SLF1: variants seen among roughly 807,000 people sequenced by gnomAD.
SLF1 encodes SMC5/6 complex localization factor 1, also known as SMC5-SMC6 complex localization factor protein 1.
In SLF1, 105 loss-of-function variants were observed where a neutral mutation model predicts 123.0. The ratio of observed to expected loss-of-function variants is 0.85; its 90% CI spans 0.73 to 1.00. The LOEUF (loss-of-function observed/expected upper bound fraction) is 1.00, where lower values mean the gene tolerates loss of function less well. SLF1 is among the 50% of genes least tolerant of loss of function. The pLI is 0.00. For synonymous variants in SLF1, 434 were observed against 406.6 expected, an observed-to-expected ratio of 1.07 and a Z score of -0.81; for missense variants, 1,239 against 1,223.0, an observed-to-expected ratio of 1.01 and a Z score of -0.20.
rs563037625 is a variant in SLF1, at chr5:94,626,408, G to T, written c.1-2403G>T. 2.6e-5 allele frequency among the ~76,000 whole-genome samples: 4 copies of T among 152,134 alleles called. No individual in the cohort carries two copies. The South Asian group carries it at 8.3e-4, about 32-fold the overall frequency. On this transcript the variant is annotated intron_variant, in intron 1 of 20. Transcript: ENST00000265140. ...TATGTGCACTTAAAAATTTTATACTGACTAGACCAAATCCCTGTAACTTTT... is the reference window on the plus strand; with the variant it reads ...TATGTGCACTTAAAAATTTTATACTTACTAGACCAAATCCCTGTAACTTTT...
chr5:94,629,009 T>C, intron 2 of SLF1, 83 bp from the exon 3 acceptor site: 11 of 1,406,172 alleles, frequency 7.8e-6, no homozygotes, highest in Non-Finnish European at 1.1e-5. Flanking sequence ...AAATGCCTTC[T>C]TGATATTGTA....
chr5:94,695,249 A>G lies in SLF1; in HGVS notation c.3114A>G (p.Val1038=), dbSNP rs755464102. 1 of 1,612,366 alleles carries G rather than the reference A, an allele frequency of 6.2e-7. No individual in the cohort carries two copies. Among genetic ancestry groups the G allele is most frequent in the Non-Finnish European group, 8.5e-7 (1 of 1,178,782 alleles). The part of the protein sequence containing the change: ...LPENLKVCPG[V]HTEALMITLE... ...AGAATTTGAAAGTGTGTCCTGGGGT[A>G]CACACTGAGGCCTTGATGATAACAT... The change falls in exon 21 of 21, where the codon GTA becomes GTG. Residue 1038 remains valine (V), a synonymous_variant. Coordinates refer to ENST00000265140, the MANE Select transcript of SLF1 (RefSeq NM_032290.4).
chr5:94,631,765 G>A (rs763396650), intron 4 of SLF1, among the ~76,000 whole-genome samples: 3 of 152,004 alleles, frequency 2.0e-5, no homozygotes, highest in Non-Finnish European at 4.4e-5. Flanking sequence ...GAAATATCTC[G>A]GAATGAATGA....
At chr5:94,660,037 C>T (rs189536413) in intron 9 of SLF1, among the ~76,000 whole-genome samples, 15 of 152,234 alleles carry the variant, frequency 9.9e-5, no homozygotes, top group African/African-American at 3.6e-4. Flanking sequence ...CTTTGATCCC[C>T]CTAGTTGTTT....
chr5:94,630,518 C>A lies in SLF1; in HGVS notation c.206C>A (p.Thr69Asn). The A allele has an allele frequency of 6.4e-7, 1 of 1,551,014 alleles. No individual in the cohort carries two copies. ...TGCTTTCTAGGAAAGTGGATACTAA[C>A]CAAGGACTATATAATTCATAGTGCC... is the stretch of plus-strand genomic sequence containing the variant. ...AACAAGKWIL[T>N]KDYIIHSAKS... The change falls in exon 4 of 21, where the codon ACC becomes AAC. Residue 69 changes from threonine (T) to asparagine (N), a missense_variant. Transcript: ENST00000265140.
Position 94,663,811 on chromosome 5 carries a change from AT to A in SLF1, c.1278del (p.Phe426LeufsTer26). Reference protein sequence around the residue: ...LNLIESLIEGHFFKEAIEELS... With the variant: ...LNLIESLIEGXFFKEAIEELS... ...TTAATTGAAAGCCTCATAGAAGGAC[AT>A]TTTTTTAAAGAAGCAATTGAGGAAC... On this transcript the variant is annotated frameshift_variant, in exon 11 of 21. Transcript: ENST00000265140. LOFTEE classifies it high-confidence loss of function. 6.4e-7 allele frequency: 1 copy of A among 1,550,600 alleles called. No homozygotes were observed. Among genetic ancestry groups the A allele is most frequent in the South Asian group, 1.2e-5 (1 of 83,742 alleles).
At chr5:94,628,097 C>T (rs1195946427) in intron 1 of SLF1, among the ~76,000 whole-genome samples, 2 of 151,828 alleles carry the variant, frequency 1.3e-5, no homozygotes, top group East Asian at 3.9e-4. Flanking sequence ...AAAGAAAGTG[C>T]TGGGATTACA....
chr5:94,673,831 A>C (rs919966467), intron 14 of SLF1, among the ~76,000 whole-genome samples: 2 of 151,724 alleles, frequency 1.3e-5, no homozygotes, highest in Non-Finnish European at 2.9e-5. Flanking sequence ...TTTTTGAGGT[A>C]CTATTTTTTT....
intron 1 of SLF1, among the ~76,000 whole-genome samples, chr5:94,624,175 T>G (rs1418821977): frequency 6.6e-6 from 1 of 152,202 alleles, no homozygotes; most frequent in Non-Finnish European, 1.5e-5. Context: ...CATATCCATA[T>G]TTTATGGATA....
intron 9 of SLF1, among the ~76,000 whole-genome samples, chr5:94,660,021 C>G (rs942868951): frequency 1.3e-5 from 2 of 152,174 alleles, no homozygotes; most frequent in African/African-American, 2.4e-5. Context: ...GCTTGACATG[C>G]TCATCCTTTG....
At chr5:94,641,872 A>G (rs1746487586) in intron 4 of SLF1, among the ~76,000 whole-genome samples, 1 of 152,210 alleles carries the variant, frequency 6.6e-6, no homozygotes, top group East Asian at 1.9e-4. Context: ...TGGCCTGGGC[A>G]AGAGGGTTTC....
At chr5:94,673,235 C>T (rs553914606) in intron 14 of SLF1, among the ~76,000 whole-genome samples, 7 of 152,166 alleles carry the variant, frequency 4.6e-5, no homozygotes, top group Non-Finnish European at 1.0e-4. Flanking sequence ...TGAAAGTCCT[C>T]AGGGCGAAGT....
chr5:94,619,612 T>C (rs1342159575), intron 1 of SLF1, among the ~76,000 whole-genome samples: 1 of 85,542 alleles, frequency 1.2e-5, no homozygotes, highest in Non-Finnish European at 2.9e-5. Flanking sequence ...TTAAAAAATT[T>C]TGTTGTTGTT....
intron 15 of SLF1, among the ~76,000 whole-genome samples, chr5:94,682,109 A>G (rs1381596876): frequency 6.6e-6 from 1 of 152,210 alleles, no homozygotes; most frequent in Non-Finnish European, 1.5e-5. Flanking sequence ...AATAGTGACA[A>G]TTTAAATCTC....
chr5:94,658,320 T>G (rs1748672558), intron 9 of SLF1, among the ~76,000 whole-genome samples: 1 of 152,068 alleles, frequency 6.6e-6, no homozygotes, highest in Non-Finnish European at 1.5e-5. Context: ...GTGGTTGGTC[T>G]GTTAGTAATG....
intron 1 of SLF1, among the ~76,000 whole-genome samples, chr5:94,625,165 C>A (rs1210287193): frequency 6.7e-6 from 1 of 149,330 alleles, no homozygotes; most frequent in Non-Finnish European, 1.5e-5. Flanking sequence ...TGTACTCCAG[C>A]CTGGGCGACA....
At chr5:94,635,510 T>C (rs909443023) in intron 4 of SLF1, among the ~76,000 whole-genome samples, 1 of 152,062 alleles carries the variant, frequency 6.6e-6, no homozygotes, top group Non-Finnish European at 1.5e-5. Flanking sequence ...TGTTTCTTTC[T>C]TCCTATGTTG....
intron 15 of SLF1, among the ~76,000 whole-genome samples, chr5:94,682,049 C>G (rs139444187): frequency 6.6e-6 from 1 of 152,082 alleles, no homozygotes; most frequent in African/African-American, 2.4e-5. Flanking sequence ...CGCGTGTGCA[C>G]ATGTATACAT....
At chr5:94,666,721 C>T (rs1257799366) in intron 12 of SLF1, among the ~76,000 whole-genome samples, 1 of 152,192 alleles carries the variant, frequency 6.6e-6, no homozygotes, top group Non-Finnish European at 1.5e-5. Context: ...ACTGTAACCT[C>T]TACCTCCCAG....
Sources: gnomAD v4.1 joint callset for allele counts (sites outside exome capture counted in the v4.1 genomes callset) on GRCh38, gnomAD v4.1.1 for gene constraint, MANE v1.5 for transcripts, NCBI Gene and HGNC (gene_info 2026-07-23, HGNC 2026-07-21) for gene names.